The following COL5A1 variants were observed in gnomAD, a reference collection of about 807,000 sequenced individuals.
COL5A1 encodes collagen alpha-1(V) chain.
A neutral mutation model predicts 263.7 loss-of-function variants in COL5A1; 16 were observed. The observed-to-expected ratio is 0.06, with a 90% CI of 0.04 to 0.09. The LOEUF is 0.09. Among genes scored for constraint, COL5A1 ranks in the 10% least tolerant of loss-of-function variants. The probability of loss-of-function intolerance (pLI) is 1.00; values close to 1 mark genes in which losing one functional copy is unlikely to be tolerated. For missense variants in COL5A1, 2,036 were observed against 2,540.5 expected (o/e 0.80, Z 4.27); for synonymous variants, 1,012 against 1,004.5 (o/e 1.01, Z -0.14).
rs867244418 is a variant in COL5A1 at position 134,680,923 on chromosome 9, C to T, written c.110-9989C>T. ...GTTTGGGCTCAGGTCTCCAGGTCTC[C>T]GCCTGGCACTGCAGCCTCGGGGGGC... On this transcript the variant is annotated intron_variant, in intron 1 of 65. Transcript: ENST00000371817. This position sits in a 1 kb window ranked among gnomAD's most constrained non-coding sequence, Gnocchi z 5.9. 1.6e-4 allele frequency among the ~76,000 whole-genome samples: 25 copies of T among 152,252 alleles called. No homozygotes were observed. Among genetic ancestry groups the T allele is most frequent in the Middle Eastern group, 6.8e-3 (2 of 294 alleles).
At chr9:134,654,563 G>T (rs1386878142) in intron 1 of COL5A1, among the ~76,000 whole-genome samples, 1 of 128,980 alleles carries the variant, frequency 7.8e-6, no homozygotes, top group Non-Finnish European at 1.7e-5. Context: ...GTAGGGCTGG[G>T]TGTGTGTAGG....
chr9:134,659,052 C>T (rs966535425), intron 1 of COL5A1, among the ~76,000 whole-genome samples: 13 of 152,146 alleles, frequency 8.5e-5, no homozygotes, highest in African/African-American at 3.1e-4. Flanking sequence ...AGGTGAGAAG[C>T]AGGCTCAGAG....
At chr9:134,662,337 G>A (rs569877758) in intron 1 of COL5A1, among the ~76,000 whole-genome samples, 2 of 152,276 alleles carry the variant, frequency 1.3e-5, no homozygotes, top group African/African-American at 2.4e-5. Flanking sequence ...TGAGGGCTTC[G>A]CACATTCTTC....
intron 1 of COL5A1, among the ~76,000 whole-genome samples, chr9:134,668,906 TC>T (rs1051569696): frequency 5.3e-5 from 8 of 150,926 alleles, no homozygotes; most frequent in Non-Finnish European, 1.2e-4. Flanking sequence ...CATCAATCCA[TC>T]CATCCATCCT....
chr9:134,746,210 G>A (rs1295856686), intron 11 of COL5A1, among the ~76,000 whole-genome samples: 5 of 152,026 alleles, frequency 3.3e-5, no homozygotes, highest in African/African-American at 9.7e-5. Context: ...AGCCACTCCC[G>A]AGCTGGGCCT....
intron 37 of COL5A1, 72 bp downstream of exon 37, chr9:134,798,533 G>A (rs928470818): frequency 1.6e-5 from 23 of 1,435,620 alleles, no homozygotes; most frequent in East Asian, 9.1e-5. Context: ...CACAGCCCTC[G>A]CTGCCCAGCG....
Position 134,765,082 on chromosome 9 carries a change from G to A in COL5A1, c.2035-599G>A, listed in dbSNP as rs932885300. ...CTGCGGTAAAGGGGAGGTTCTGCAC[G>A]AGCCTCGCCGACCGGAGAGGGCGTG... On this transcript the variant is annotated intron_variant, in intron 20 of 65. Coordinates refer to ENST00000371817, the MANE Select transcript of COL5A1 (RefSeq NM_000093.5). The surrounding 1 kb of genome is among the most constrained non-coding windows in gnomAD (Gnocchi z 5.1). Among the ~76,000 whole-genome samples the A allele has an allele frequency of 6.6e-6, 1 of 152,080 alleles. No individual in the cohort carries two copies. Among genetic ancestry groups the A allele is most frequent in the Admixed American group, 6.5e-5 (1 of 15,278 alleles).
chr9:134,690,664 C>A (rs553308726), intron 1 of COL5A1, among the ~76,000 whole-genome samples: 1 of 152,140 alleles, frequency 6.6e-6, no homozygotes, highest in Non-Finnish European at 1.5e-5. Context: ...AGGGATGGGA[C>A]CCTCTGGGCT....
chr9:134,667,594 C>A (rs188566378), intron 1 of COL5A1, among the ~76,000 whole-genome samples: 1 of 152,378 alleles, frequency 6.6e-6, no homozygotes, highest in Non-Finnish European at 1.5e-5. Context: ...AGCAGCAGGG[C>A]CACCTGCTGT....
At position 134,818,895 on chromosome 9, in the gene COL5A1, C is replaced by G; in HGVS notation, c.4386C>G (p.Gly1462=). ...PGSPGPDGPP[G]PMGPPGLPGL... ...CCCCAGGCCCGGACGGTCCCCCCGG[C>G]CCCATGGTGAGTCACATTCCTCATG... Residue 1462 remains glycine (G), a synonymous_variant, in exon 56 of 66, where the codon GGC becomes GGG. Transcript: ENST00000371817. This position sits in a 1 kb window ranked among gnomAD's most constrained non-coding sequence, Gnocchi z 6.0. The G allele has an allele frequency of 6.2e-7, 1 of 1,613,034 alleles. No individual in the cohort carries two copies. Among genetic ancestry groups the G allele is most frequent in the Non-Finnish European group, 8.5e-7 (1 of 1,179,726 alleles).
At chr9:134,728,581 G>A in intron 5 of COL5A1, 89 bp from the exon 6 acceptor site, 3 of 1,583,656 alleles carry the variant, frequency 1.9e-6, no homozygotes, top group South Asian at 2.2e-5. Context: ...GTCGTGGCGT[G>A]CAGATCTGGA....
chr9:134,708,930 C>T lies in COL5A1; in HGVS notation c.654+7597C>T, dbSNP rs749170787. On this transcript the variant is annotated intron_variant, in intron 4 of 65. Transcript: ENST00000371817. ...GACACTCCTTGGCTTGTGGCCACGT[C>T]GCCCCAGCTTCTGCCTCCGTCTTTA... 1.2e-4 allele frequency: 55 copies of T among 456,624 alleles called. 1 individual carries two copies. The highest frequency in any genetic ancestry group is 7.1e-4 in the South Asian group (46 of 64,558). The allele number at this position is 456,624 out of a possible 1,614,324, so 28.3% of individuals were successfully genotyped here. A position where few individuals can be genotyped will look rare whatever the true frequency, so the allele number is the denominator to read the frequency against.
Position 134,642,280 on chromosome 9 carries a change from G to A in COL5A1, c.93G>A (p.Pro31=). Residue 31 remains proline, a synonymous_variant, in exon 1 of 66, where the codon CCG becomes CCA. Transcript: ENST00000371817. This position sits in a 1 kb window ranked among gnomAD's most constrained non-coding sequence, Gnocchi z 4.5. ...PPLLLLLLWA[P]PPSRAAQPAD... is the part of the protein sequence containing the mutation. ...TGCTGCTGCTGCTGCTGTGGGCGCC[G>A]CCTCCGAGCCGCGCAGGTAAGGGCG... 5 of 1,155,874 alleles carry A rather than the reference G, an allele frequency of 4.3e-6. No individual in the cohort carries two copies. The highest frequency in any genetic ancestry group is 3.2e-6 in the Non-Finnish European group (3 of 926,896). 71.6% of individuals were successfully genotyped at this position (1,155,874 alleles called of 1,614,324 possible).
Position 134,820,172 on chromosome 9 carries a change from C to A in COL5A1, c.4503C>A (p.Gly1501=). The A allele has an allele frequency of 6.2e-7, 1 of 1,613,976 alleles. No homozygotes were observed. Among genetic ancestry groups the A allele is most frequent in the Non-Finnish European group, 8.5e-7 (1 of 1,179,972 alleles). ...CTCCGGGTGAACAGGGTGAGAAGGG[C>A]GACCGTGGTCTCCCTGGCCCCCAGG... ...IGPPGEQGEK[G]DRGLPGPQGS... The change falls in exon 58 of 66, where the codon GGC becomes GGA. Residue 1501 remains glycine (G), a synonymous_variant. Transcript: ENST00000371817.
intron 1 of COL5A1, chr9:134,649,360 TAA>T (rs1831589831): frequency 2.5e-6 from 1 of 398,994 alleles, no homozygotes; most frequent in Non-Finnish European, 5.0e-6. Context: ...GACTCAGACC[TAA>T]GAAATGGAAC....
Position 134,765,264 on chromosome 9 carries a change from G to T in COL5A1, c.2035-417G>T, listed in dbSNP as rs11103515. 0.04 allele frequency among the ~76,000 whole-genome samples: 6,022 copies of T among 152,200 alleles called. 156 individuals are homozygous for T. Among genetic ancestry groups the T allele is most frequent in the Non-Finnish European group, 0.059 (3,987 of 67,994 alleles). Reference sequence around the variant, plus strand: ...GATATCATAAAAACAATCGTATGTCGCTGCGGAGGGGAATTCAGGAGCGAG... The same window carrying T: ...GATATCATAAAAACAATCGTATGTCTCTGCGGAGGGGAATTCAGGAGCGAG... On this transcript the variant is annotated intron_variant, in intron 20 of 65. Transcript: ENST00000371817. This position sits in a 1 kb window ranked among gnomAD's most constrained non-coding sequence, Gnocchi z 5.1.
intron 65 of COL5A1, among the ~76,000 whole-genome samples, chr9:134,836,583 G>T (rs1178440616): frequency 6.6e-6 from 1 of 152,224 alleles, no homozygotes; most frequent in Non-Finnish European, 1.5e-5. Flanking sequence ...CTCAGTGTGA[G>T]GCCTGGGCAG....
In COL5A1 at chr9:134,805,525, A is replaced by T. The variant is rs564061435; in HGVS notation, c.3258+311A>T. 4.6e-5 allele frequency among the ~76,000 whole-genome samples: 7 copies of T among 152,088 alleles called. No individual in the cohort carries two copies. The South Asian group carries it at 1.2e-3, about 27-fold the overall frequency. Reference sequence around the variant, plus strand: ...GAGCAAGGAGAAAGCCTACACACCTATCGTGGGTCTGGGCTGGGCCAGCAG... The same window carrying T: ...GAGCAAGGAGAAAGCCTACACACCTTTCGTGGGTCTGGGCTGGGCCAGCAG... On this transcript the variant is annotated intron_variant, in intron 41 of 65. Coordinates refer to ENST00000371817, the MANE Select transcript of COL5A1 (RefSeq NM_000093.5).
intron 1 of COL5A1, among the ~76,000 whole-genome samples, chr9:134,645,533 T>A (rs1831448401): frequency 6.6e-6 from 1 of 152,210 alleles, no homozygotes; most frequent in South Asian, 2.1e-4. Context: ...CTCGGTCACG[T>A]GACGTGGCTC....
Sources: allele counts gnomAD v4.1 joint callset (sites outside exome capture counted in the v4.1 genomes callset), GRCh38; gene constraint gnomAD v4.1.1; non-coding constraint Gnocchi (gnomAD v3.1); transcripts MANE v1.5; gene names NCBI Gene and HGNC (gene_info 2026-07-23, HGNC 2026-07-21).